The following LIMCH1 variants were observed in gnomAD, a reference collection of about 807,000 sequenced individuals.
LIMCH1 encodes LIM and calponin homology domains-containing protein 1.
Under a neutral mutation model 176.5 loss-of-function variants are expected in LIMCH1, and 113 were observed. That is an observed-to-expected ratio of 0.64 (90% CI 0.55 to 0.75). The LOEUF is 0.75. Among genes scored for constraint, LIMCH1 ranks in the 30% least tolerant of loss-of-function variants. The probability of loss-of-function intolerance (pLI) is 0.00; values close to 1 mark genes in which losing one functional copy is unlikely to be tolerated. For synonymous variants in LIMCH1, 619 were observed against 645.9 expected, an observed-to-expected ratio of 0.96 and a Z score of 0.63; for missense variants, 1,674 against 1,814.9, an observed-to-expected ratio of 0.92 and a Z score of 1.41.
intron 7 of LIMCH1, among the ~76,000 whole-genome samples, chr4:41,626,010 C>T (rs2092926736): frequency 6.6e-6 from 1 of 151,878 alleles, no homozygotes; most frequent in African/African-American, 2.4e-5. Flanking sequence ...GAACAAGACC[C>T]TGTCTCTTAA....
intron 1 of LIMCH1, among the ~76,000 whole-genome samples, chr4:41,551,615 TG>T (rs2080442135): frequency 6.6e-6 from 1 of 152,210 alleles, no homozygotes; most frequent in African/African-American, 2.4e-5. Flanking sequence ...CTTTTGTTCA[TG>T]GCCTGTGGGA....
intron 1 of LIMCH1, among the ~76,000 whole-genome samples, chr4:41,546,871 A>AAGAGAG (rs2079505136): frequency 6.6e-6 from 1 of 151,880 alleles, no homozygotes; most frequent in African/African-American, 2.4e-5. Flanking sequence ...GAGAGAGAGA[A>AAGAGAG]AGAGAGAGAG....
intron 18 of LIMCH1, among the ~76,000 whole-genome samples, chr4:41,658,428 A>G (rs11933196): frequency 0.34 from 52,458 of 152,052 alleles, 10,216 homozygotes; most frequent in African/African-American, 0.52. Context: ...AAATGTGAGA[A>G]TTCTTGAAAG....
chr4:41,628,779 A>G (rs2093141507), intron 8 of LIMCH1, among the ~76,000 whole-genome samples: 1 of 152,226 alleles, frequency 6.6e-6, no homozygotes, highest in Admixed American at 6.5e-5. Flanking sequence ...ACAATGGAAA[A>G]TATCAGTTTT....
At chr4:41,680,578 T>C (rs889212517) in intron 24 of LIMCH1, among the ~76,000 whole-genome samples, 2 of 152,222 alleles carry the variant, frequency 1.3e-5, no homozygotes, top group Non-Finnish European at 2.9e-5. Flanking sequence ...CAGAACACAT[T>C]AGATAACTTA....
rs1046816961 is a variant in LIMCH1 at position 41,499,283 on chromosome 4, C to T, written c.167+4677C>T. ...CACTATACTAATTATTATCATTTTG[C>T]CATATTTGCTTTATCTCTTCATGTG... On this transcript the variant is annotated intron_variant, in intron 2 of 26. Transcript: ENST00000313860. Among the ~76,000 whole-genome samples, 6 of 152,236 alleles carry T rather than the reference C, an allele frequency of 3.9e-5. No homozygotes were observed. The East Asian group carries it at 9.6e-4, about 24-fold the overall frequency.
intron 1 of LIMCH1, among the ~76,000 whole-genome samples, chr4:41,596,004 T>G (rs1482669323): frequency 1.3e-5 from 2 of 148,458 alleles, no homozygotes; most frequent in African/African-American, 2.6e-5. Context: ...GAGCCGAGAT[T>G]GCATACTGCA....
intron 2 of LIMCH1, among the ~76,000 whole-genome samples, chr4:41,514,142 A>C (rs1369264406): frequency 6.6e-6 from 1 of 151,618 alleles, no homozygotes; most frequent in Non-Finnish European, 1.5e-5. Context: ...ATACTTTATA[A>C]TGTTGCTCAT....
chr4:41,491,775 G>A (rs1222948507), intron 1 of LIMCH1, among the ~76,000 whole-genome samples: 3 of 147,618 alleles, frequency 2.0e-5, no homozygotes, highest in South Asian at 2.2e-4. Flanking sequence ...CGGGGCAGCC[G>A]GGCAGAGGCG....
In LIMCH1 at chr4:41,698,625, A is replaced by G. The variant is rs1465891711; in HGVS notation, c.*1440A>G. 1 of 152,658 alleles carries G rather than the reference A, an allele frequency of 6.6e-6. No individual in the cohort carries two copies. Among genetic ancestry groups the G allele is most frequent in the Non-Finnish European group, 1.5e-5 (1 of 68,026 alleles). 9.5% of individuals were successfully genotyped at this position (152,658 alleles called of 1,614,324 possible). A position where few individuals can be genotyped will look rare whatever the true frequency, so the allele number is the denominator to read the frequency against. On this transcript the variant is annotated 3_prime_UTR_variant, in exon 32 of 32. Transcript: ENST00000503057. ...ACACTCCTAATAGATTGATGTAGTC[A>G]TAAAAGGGGGTCAAGTAGATGTTTT...
At chr4:41,598,426 G>GT (rs2089312092) in intron 1 of LIMCH1, among the ~76,000 whole-genome samples, 1 of 151,262 alleles carries the variant, frequency 6.6e-6, no homozygotes, top group Non-Finnish European at 1.5e-5. Flanking sequence ...CCACAAAGAG[G>GT]TATTACTAGT....
chr4:41,427,246 G>A (rs2061196328), intron 1 of LIMCH1, among the ~76,000 whole-genome samples: 1 of 152,022 alleles, frequency 6.6e-6, no homozygotes, highest in South Asian at 2.1e-4. Context: ...TCTCCACTCT[G>A]AACTGCATAG....
chr4:41,431,339 C>T (rs2061592503), intron 1 of LIMCH1, among the ~76,000 whole-genome samples: 1 of 152,204 alleles, frequency 6.6e-6, no homozygotes, highest in African/African-American at 2.4e-5. Context: ...ACCTGTAGAA[C>T]TTTGGGCAGA....
chr4:41,666,440 A>G, intron 20 of LIMCH1, 121 bp from the exon 21 acceptor site: 1 of 597,852 alleles, frequency 1.7e-6, no homozygotes. Context: ...TTTAAATTTA[A>G]ATGTTAACTG....
chr4:41,655,093 C>G (rs1001086363), intron 18 of LIMCH1, among the ~76,000 whole-genome samples: 2 of 152,100 alleles, frequency 1.3e-5, no homozygotes, highest in African/African-American at 4.8e-5. Flanking sequence ...TATGTCTCCC[C>G]CAAAGCTATT....
At position 41,631,348 on chromosome 4, in the gene LIMCH1, G is replaced by A. The variant is rs372350701; in HGVS notation, c.1472G>A (p.Gly491Glu). 27 of 1,536,194 alleles carry A rather than the reference G, an allele frequency of 1.8e-5. 1 individual carries two copies. In the South Asian group the frequency reaches 2.9e-4, roughly 16 times the overall value. ...AAGCGGCTTAGCATTGGCAAGGCTG[G>A]GCCTAGAGAGGATGAAGAAGAAGTC... ...KWKRLSIGKA[G>E]PREDEEEVIC... Residue 491 changes from glycine to glutamate, a missense_variant, in exon 10 of 32, where the codon GGG becomes GAG. Physicochemically the swap from Gly to Glu is moderately conservative, Grantham distance 98. This residue lies in a region of LIMCH1 where 655 missense variants were observed against 692.2 expected (regional missense o/e 0.95). Coordinates refer to ENST00000503057, the MANE Select transcript of LIMCH1 (RefSeq NM_001330672.2).
At chr4:41,554,729 T>C (rs7687668) in intron 1 of LIMCH1, among the ~76,000 whole-genome samples, 44,422 of 152,080 alleles carry the variant, frequency 0.29, 9,473 homozygotes, top group African/African-American at 0.6. Context: ...GAAAAAAAAT[T>C]TTTGTCTTTC....
intron 1 of LIMCH1, among the ~76,000 whole-genome samples, chr4:41,390,541 A>G (rs1180203689): frequency 1.3e-5 from 2 of 152,232 alleles, no homozygotes; most frequent in African/African-American, 2.4e-5. Flanking sequence ...AAAGAAAAAT[A>G]CATGATGCCC....
At chr4:41,630,857 A>G (rs2093280958) in intron 9 of LIMCH1, among the ~76,000 whole-genome samples, 1 of 152,216 alleles carries the variant, frequency 6.6e-6, no homozygotes, top group Non-Finnish European at 1.5e-5. Context: ...CATTAACGTA[A>G]GCATACCTTA....
Sources: gnomAD v4.1 joint callset for allele counts (sites outside exome capture counted in the v4.1 genomes callset) on GRCh38, gnomAD v4.1.1 for gene constraint, gnomAD v4.1.1 regional missense constraint, MANE v1.5 for transcripts, NCBI Gene and HGNC (gene_info 2026-07-23, HGNC 2026-07-21) for gene names.